Variants in ASTN2 observed in about 807,000 individuals in gnomAD.
The protein encoded by ASTN2 is astrotactin 2, also known as astrotactin-2.
In ASTN2, 54 loss-of-function variants were observed where a neutral mutation model predicts 139.8. That is an observed-to-expected ratio of 0.39 (90% CI 0.31 to 0.48). ASTN2 has a LOEUF of 0.48. Among genes scored for constraint, ASTN2 ranks in the 20% least tolerant of loss-of-function variants. The probability of loss-of-function intolerance (pLI) is 0.95; values close to 1 mark genes in which losing one functional copy is unlikely to be tolerated. For synonymous variants in ASTN2, 756 were observed against 719.5 expected (o/e 1.05, Z -0.81); for missense variants, 1,565 against 1,725.1 (o/e 0.91, Z 1.64).
chr9:116,969,481 T>C (rs1246125063), intron 10 of ASTN2, among the ~76,000 whole-genome samples: 1 of 152,150 alleles, frequency 6.6e-6, no homozygotes, highest in East Asian at 1.9e-4. Context: ...GGCATCTCAT[T>C]ACTCTGGCAA....
chr9:117,200,147 T>C (rs932738247), intron 3 of ASTN2, among the ~76,000 whole-genome samples: 10 of 151,890 alleles, frequency 6.6e-5, no homozygotes, highest in African/African-American at 2.4e-4. Flanking sequence ...TTGTTACATA[T>C]GTATACATGT....
At chr9:117,391,551 A>G (rs1228113573) in intron 1 of ASTN2, among the ~76,000 whole-genome samples, 1 of 152,116 alleles carries the variant, frequency 6.6e-6, no homozygotes, top group Non-Finnish European at 1.5e-5. Flanking sequence ...ATCATCTCCT[A>G]CTGGGTCCCT....
At chr9:117,403,910 C>T (rs1830909258) in intron 1 of ASTN2, among the ~76,000 whole-genome samples, 1 of 151,904 alleles carries the variant, frequency 6.6e-6, no homozygotes, top group Non-Finnish European at 1.5e-5. Flanking sequence ...CCTTTTTTGC[C>T]TTGCTGGGGA....
intron 1 of ASTN2, among the ~76,000 whole-genome samples, chr9:117,334,791 C>T (rs994292648): frequency 1.3e-5 from 2 of 152,172 alleles, no homozygotes; most frequent in African/African-American, 2.4e-5. Flanking sequence ...TGGAGGCTCA[C>T]GCCTGTAATC....
chr9:117,307,176 C>T (rs1835022110), intron 1 of ASTN2, among the ~76,000 whole-genome samples: 1 of 152,348 alleles, frequency 6.6e-6, no homozygotes, highest in Non-Finnish European at 1.5e-5. Context: ...CTCACAAACA[C>T]ATGTACTTCC....
At chr9:117,060,329 AG>A (rs1839209958) in intron 5 of ASTN2, among the ~76,000 whole-genome samples, 1 of 77,522 alleles carries the variant, frequency 1.3e-5, no homozygotes, top group East Asian at 4.4e-4. Context: ...AAAGAAAGAA[AG>A]AAAGAAAGAA....
intron 11 of ASTN2, among the ~76,000 whole-genome samples, chr9:116,853,372 A>T (rs1832660623): frequency 1.3e-5 from 2 of 152,240 alleles, no homozygotes; most frequent in Admixed American, 1.3e-4. Context: ...GAACACAATT[A>T]TTCCAGCTTT....
intron 22 of ASTN2, among the ~76,000 whole-genome samples, chr9:116,436,952 C>T (rs1340190363): frequency 1.3e-5 from 2 of 150,974 alleles, no homozygotes; most frequent in African/African-American, 4.9e-5. Context: ...AGTAAACTGT[C>T]GCAAGAACAA....
intron 20 of ASTN2, among the ~76,000 whole-genome samples, chr9:116,457,474 A>G (rs1056982261): frequency 6.6e-6 from 1 of 152,190 alleles, no homozygotes; most frequent in African/African-American, 2.4e-5. Context: ...TAACCAGAAT[A>G]TATAAGGAGC....
intron 10 of ASTN2, among the ~76,000 whole-genome samples, chr9:116,947,528 G>A (rs1391074253): frequency 2.0e-5 from 3 of 152,130 alleles, no homozygotes; most frequent in Non-Finnish European, 2.9e-5. Context: ...GGGAATAAAA[G>A]TTACATGCAT....
intron 10 of ASTN2, among the ~76,000 whole-genome samples, chr9:116,972,896 G>A (rs1341814044): frequency 4.6e-5 from 7 of 152,034 alleles, no homozygotes. Context: ...TAATCTCTTT[G>A]TTGTGATTCC....
At chr9:116,617,283 AGAAGACAG>A (rs1855905134) in intron 19 of ASTN2, among the ~76,000 whole-genome samples, 8 of 152,222 alleles carry the variant, frequency 5.3e-5, no homozygotes. Flanking sequence ...AGAGACAGGT[AGAAGACAG>A]GAAGACAGAA....
intron 16 of ASTN2, among the ~76,000 whole-genome samples, chr9:116,721,826 C>T (rs777937306): frequency 2.6e-5 from 4 of 152,202 alleles, no homozygotes; most frequent in South Asian, 4.1e-4. Flanking sequence ...TATTGGCATG[C>T]CCAGTGCCCC....
intron 1 of ASTN2, among the ~76,000 whole-genome samples, chr9:117,397,569 C>A (rs1830709574): frequency 6.6e-6 from 1 of 152,176 alleles, no homozygotes; most frequent in South Asian, 2.1e-4. Context: ...TGGCATGGAA[C>A]TCCAATCAGC....
At chr9:116,890,811 G>T (rs966808184) in intron 10 of ASTN2, among the ~76,000 whole-genome samples, 4 of 152,108 alleles carry the variant, frequency 2.6e-5, no homozygotes, top group African/African-American at 9.7e-5. Context: ...GTGGCAGGGG[G>T]GTGGAGCGGG....
intron 3 of ASTN2, among the ~76,000 whole-genome samples, chr9:117,203,125 T>G (rs923269559): frequency 6.6e-6 from 1 of 151,896 alleles, no homozygotes; most frequent in Non-Finnish European, 1.5e-5. Flanking sequence ...CTTGGTTGAT[T>G]TGGCTGTTGA....
chr9:116,964,910 A>G lies in ASTN2; in HGVS notation c.1889+10298T>C, dbSNP rs1209187584. Among the ~76,000 whole-genome samples, 3 of 152,214 alleles carry G rather than the reference A, an allele frequency of 2.0e-5. No individual in the cohort carries two copies. In the East Asian group the frequency reaches 5.8e-4, roughly 29 times the overall value. ...GTTCCATTTCAAATTCATCCTCAGT[A>G]TCTCCATTCACATGACTGTCCTTTC... On this transcript the variant is annotated intron_variant, in intron 10 of 22. Transcript: ENST00000313400.
At chr9:117,208,634 C>T (rs1832017341) in intron 3 of ASTN2, among the ~76,000 whole-genome samples, 1 of 152,024 alleles carries the variant, frequency 6.6e-6, no homozygotes, top group South Asian at 2.1e-4. Flanking sequence ...ACATCAAGGT[C>T]CAGGAAACCA....
chr9:117,094,389 T>G (rs560944381), intron 5 of ASTN2, among the ~76,000 whole-genome samples: 1 of 152,270 alleles, frequency 6.6e-6, no homozygotes, highest in South Asian at 2.1e-4. Flanking sequence ...TGCTCAGTGA[T>G]GAATGTTTTT....
Sources: gnomAD v4.1 joint callset for allele counts (sites outside exome capture counted in the v4.1 genomes callset) on GRCh38, gnomAD v4.1.1 for gene constraint, MANE v1.5 for transcripts, NCBI Gene and HGNC (gene_info 2026-07-23, HGNC 2026-07-21) for gene names.